Variants in TYW1B observed in about 807,000 individuals in gnomAD.
TYW1B encodes tRNA-yW synthesizing protein 1 homolog B.
In TYW1B, 73 loss-of-function variants were observed where a neutral mutation model predicts 86.9. The ratio of observed to expected loss-of-function variants is 0.84; its 90% CI spans 0.70 to 1.02. The LOEUF is 1.02. Ranked by LOEUF, TYW1B falls within the 50% of genes least tolerant of loss-of-function variation. TYW1B has a pLI of 0.00. For synonymous variants in TYW1B, 248 were observed against 292.8 expected (o/e 0.85, Z 1.56); for missense variants, 637 against 827.4 (o/e 0.77, Z 2.82).
chr7:72,801,352 C>T (rs1343795466), intron 6 of TYW1B, among the ~76,000 whole-genome samples: 3 of 151,884 alleles, frequency 2.0e-5, no homozygotes, highest in Non-Finnish European at 2.9e-5. Flanking sequence ...ATAAATTAAT[C>T]GGTAGGTAAT....
chr7:72,582,746 T>C (rs1811185395), intron 13 of TYW1B, among the ~76,000 whole-genome samples: 1 of 152,162 alleles, frequency 6.6e-6, no homozygotes. Flanking sequence ...ATGAACCTGA[T>C]AGCAAATCCA....
At chr7:72,607,219 C>T (rs782743933) in intron 13 of TYW1B, among the ~76,000 whole-genome samples, 30 of 151,278 alleles carry the variant, frequency 2.0e-4, no homozygotes, top group Middle Eastern at 3.4e-3. Context: ...ATGGAGAAAC[C>T]CCATCTCTAA....
intron 8 of TYW1B, among the ~76,000 whole-genome samples, chr7:72,731,125 G>GAAAA (rs1162938084): frequency 9.8e-5 from 7 of 71,158 alleles, no homozygotes; most frequent in South Asian, 4.8e-4. Context: ...CTAAGGGCTG[G>GAAAA]AAAAAAAAAA....
intron 11 of TYW1B, among the ~76,000 whole-genome samples, chr7:72,666,621 T>A (rs1229998467): frequency 6.6e-6 from 1 of 152,024 alleles, no homozygotes; most frequent in Non-Finnish European, 1.5e-5. Flanking sequence ...AACACAGGAA[T>A]CTCCTAGTTG....
chr7:72,669,761 C>T (rs1813550557), intron 11 of TYW1B, among the ~76,000 whole-genome samples: 1 of 151,530 alleles, frequency 6.6e-6, no homozygotes, highest in Non-Finnish European at 1.5e-5. Context: ...TAAAGCGAGG[C>T]TCTGTCTCGG....
chr7:72,770,315 G>C (rs184404055), intron 7 of TYW1B, among the ~76,000 whole-genome samples: 4 of 150,476 alleles, frequency 2.7e-5, no homozygotes, highest in African/African-American at 9.8e-5. Context: ...TGTAGGCCCA[G>C]CTACTCGGGA....
intron 9 of TYW1B, among the ~76,000 whole-genome samples, chr7:72,719,070 C>T (rs1435867224): frequency 6.6e-6 from 1 of 152,096 alleles, no homozygotes; most frequent in Non-Finnish European, 1.5e-5. Context: ...TAATGGGGTG[C>T]CAGGCCCAGC....
intron 12 of TYW1B, among the ~76,000 whole-genome samples, chr7:72,619,145 C>T (rs186653306): frequency 3.4e-4 from 52 of 152,246 alleles, no homozygotes. Flanking sequence ...AAAATCACTG[C>T]CTTAAAACCT....
At chr7:72,675,274 C>CT (rs763366252) in intron 11 of TYW1B, among the ~76,000 whole-genome samples, 355 of 152,090 alleles carry the variant, frequency 2.3e-3, no homozygotes, top group Non-Finnish European at 3.7e-3. Context: ...TGGCAGGCAC[C>CT]TGTAATCCCA....
intron 11 of TYW1B, among the ~76,000 whole-genome samples, chr7:72,669,763 C>T (rs1478546067): frequency 6.6e-6 from 1 of 151,560 alleles, no homozygotes; most frequent in Non-Finnish European, 1.5e-5. Flanking sequence ...AAGCGAGGCT[C>T]TGTCTCGGAA....
intron 1 of TYW1B, 26 bp downstream of exon 1, chr7:72,828,046 G>A (rs1554481794): frequency 1.2e-6 from 2 of 1,613,612 alleles, no homozygotes; most frequent in Admixed American, 3.3e-5. Flanking sequence ...GCCGCCCCAG[G>A]GTCCTTGCCC....
At chr7:72,780,831 C>T (rs1446393909) in intron 6 of TYW1B, among the ~76,000 whole-genome samples, 1 of 152,016 alleles carries the variant, frequency 6.6e-6, no homozygotes, top group South Asian at 2.1e-4. Context: ...TATAACACTC[C>T]GCAAGGGAGT....
chr7:72,667,865 A>G (rs3132433), intron 11 of TYW1B, among the ~76,000 whole-genome samples: 116,790 of 152,160 alleles, frequency 0.77, 45,606 homozygotes, highest in Non-Finnish European at 0.85. Flanking sequence ...AAGGGTAGAG[A>G]AAATTCTATT....
At chr7:72,640,003 G>T (rs1812766002) in intron 11 of TYW1B, among the ~76,000 whole-genome samples, 1 of 152,084 alleles carries the variant, frequency 6.6e-6, no homozygotes, top group African/African-American at 2.4e-5. Context: ...CTTATAAAAT[G>T]ATATAAACGT....
At chr7:72,766,758 C>T (rs1787778684) in intron 7 of TYW1B, among the ~76,000 whole-genome samples, 1 of 151,838 alleles carries the variant, frequency 6.6e-6, no homozygotes, top group African/African-American at 2.4e-5. Flanking sequence ...GAAACCCTGT[C>T]TCTACTAAAA....
chr7:72,775,717 T>A (rs1787942461), intron 7 of TYW1B, among the ~76,000 whole-genome samples: 1 of 149,054 alleles, frequency 6.7e-6, no homozygotes. Context: ...TCGCCACAGG[T>A]AAGTTTAAAT....
chr7:72,803,264 C>T (rs1554476129), intron 5 of TYW1B, among the ~76,000 whole-genome samples: 1 of 152,072 alleles, frequency 6.6e-6, no homozygotes, highest in Non-Finnish European at 1.5e-5. Context: ...ATCAGACTAA[C>T]AACTGTGAAA....
chr7:72,799,754 C>T (rs1489942570), intron 6 of TYW1B, among the ~76,000 whole-genome samples: 2 of 152,126 alleles, frequency 1.3e-5, no homozygotes, highest in Non-Finnish European at 2.9e-5. Context: ...CATGAGCCAC[C>T]GCACCTGCAG....
intron 13 of TYW1B, among the ~76,000 whole-genome samples, chr7:72,610,398 T>C (rs553319280): frequency 2.6e-5 from 4 of 152,006 alleles, no homozygotes; most frequent in South Asian, 4.2e-4. Flanking sequence ...AATATGCAAG[T>C]AACATCATCT....
Sources: allele counts gnomAD v4.1 joint callset (sites outside exome capture counted in the v4.1 genomes callset), GRCh38; gene constraint gnomAD v4.1.1; transcripts MANE v1.5; gene names NCBI Gene and HGNC (gene_info 2026-07-23, HGNC 2026-07-21).